PCDH9: variants seen among roughly 807,000 people sequenced by gnomAD.
PCDH9 encodes the protein protocadherin-9.
Under a neutral mutation model 70.6 loss-of-function variants are expected in PCDH9, and 24 were observed. That is an observed-to-expected ratio of 0.34 (90% CI 0.25 to 0.48). The LOEUF is 0.48. Ranked by LOEUF, PCDH9 falls within the 20% of genes least tolerant of loss-of-function variation. The pLI, the probability that PCDH9 is intolerant of heterozygous loss-of-function variation, is 0.99. For missense variants in PCDH9, 1,281 were observed against 1,503.6 expected (o/e 0.85, Z 2.45); for synonymous variants, 562 against 558.5 (o/e 1.01, Z -0.09).
At chr13:66,612,289 GCAA>G (rs2077302402) in intron 4 of PCDH9, among the ~76,000 whole-genome samples, 1 of 152,082 alleles carries the variant, frequency 6.6e-6, no homozygotes, top group Admixed American at 6.5e-5. Flanking sequence ...AACTCTATTT[GCAA>G]CAACTAGTGA....
intron 4 of PCDH9, among the ~76,000 whole-genome samples, chr13:66,423,921 A>G (rs7328850): frequency 6.6e-6 from 1 of 151,916 alleles, no homozygotes; most frequent in African/African-American, 2.4e-5. Context: ...GTATATTTAG[A>G]AAACCCCGTC....
chr13:66,320,406 C>T (rs2138086603), intron 4 of PCDH9, among the ~76,000 whole-genome samples: 1 of 151,992 alleles, frequency 6.6e-6, no homozygotes, highest in African/African-American at 2.4e-5. Flanking sequence ...GTCTGTTTCT[C>T]CCTAATAAAA....
intron 4 of PCDH9, among the ~76,000 whole-genome samples, chr13:66,606,619 TAA>T (rs1692845823): frequency 6.6e-6 from 1 of 152,150 alleles, no homozygotes; most frequent in African/African-American, 2.4e-5. Flanking sequence ...AATGCCTAGT[TAA>T]GTTTGAATTT....
intron 4 of PCDH9, among the ~76,000 whole-genome samples, chr13:66,325,342 T>C (rs181375371): frequency 6.6e-6 from 1 of 152,190 alleles, no homozygotes; most frequent in East Asian, 1.9e-4. Flanking sequence ...ACTGATTGCT[T>C]CCCAGCTCCA....
At position 67,170,813 on chromosome 13, in the gene PCDH9, T is replaced by C. The variant is rs534958787; in HGVS notation, c.3036+54592A>G. On this transcript the variant is annotated intron_variant, in intron 2 of 4. Transcript: ENST00000377865. ...GGTGGTGCACTCCTGTAATCCCATC[T>C]ACTCGGGAGGCTGAGGCACAAGAAT... is the stretch of plus-strand genomic sequence containing the variant. 3.9e-5 allele frequency among the ~76,000 whole-genome samples: 6 copies of C among 152,286 alleles called. No individual in the cohort carries two copies. The East Asian group carries it at 9.7e-4, about 24-fold the overall frequency.
At chr13:66,649,923 A>T (rs1031009773) in intron 3 of PCDH9, among the ~76,000 whole-genome samples, 1 of 151,946 alleles carries the variant, frequency 6.6e-6, no homozygotes, top group Non-Finnish European at 1.5e-5. Context: ...ATAATGCATT[A>T]TAAGATATTA....
At chr13:66,879,802 C>T (rs1397078336) in intron 3 of PCDH9, among the ~76,000 whole-genome samples, 1 of 152,002 alleles carries the variant, frequency 6.6e-6, no homozygotes, top group African/African-American at 2.4e-5. Context: ...AATGAAAAAT[C>T]ATTGCAATTA....
intron 2 of PCDH9, among the ~76,000 whole-genome samples, chr13:66,988,854 A>G (rs2083945159): frequency 6.6e-6 from 1 of 152,006 alleles, no homozygotes; most frequent in South Asian, 2.1e-4. Flanking sequence ...CTCTTTATCC[A>G]GAGCGTTATT....
chr13:67,131,521 T>C lies in PCDH9; in HGVS notation c.3036+93884A>G, dbSNP rs116457505. Among the ~76,000 whole-genome samples, 418 of 152,286 alleles carry C rather than the reference T, an allele frequency of 2.7e-3. 4 individuals carry two copies. The highest frequency in any genetic ancestry group is 9.7e-3 in the African/African-American group (402 of 41,572). On this transcript the variant is annotated intron_variant, in intron 2 of 4. Transcript: ENST00000377865. ...CATGCATTTCTGAACTTTTGACATC[T>C]TGATTTCTAACCTTACAATTTGTTG...
At chr13:66,632,982 G>T (rs574207534) in intron 3 of PCDH9, among the ~76,000 whole-genome samples, 19 of 152,192 alleles carry the variant, frequency 1.2e-4, no homozygotes, top group Non-Finnish European at 1.9e-4. Context: ...AAGGATTGCG[G>T]TTAGAAACAA....
chr13:66,462,674 T>G (rs550186699), intron 4 of PCDH9, among the ~76,000 whole-genome samples: 1 of 151,926 alleles, frequency 6.6e-6, no homozygotes, highest in Non-Finnish European at 1.5e-5. Context: ...GCAGAGTAGC[T>G]TGGGAAACGC....
At chr13:66,529,663 G>C (rs563822821) in intron 4 of PCDH9, among the ~76,000 whole-genome samples, 1 of 151,356 alleles carries the variant, frequency 6.6e-6, no homozygotes, top group African/African-American at 2.4e-5. Context: ...TTTTTTTCCC[G>C]TTTGCAAAAG....
At chr13:66,393,929 A>T (rs577078956) in intron 4 of PCDH9, among the ~76,000 whole-genome samples, 1 of 152,344 alleles carries the variant, frequency 6.6e-6, no homozygotes, top group African/African-American at 2.4e-5. Flanking sequence ...AACGAGTGGA[A>T]TCTGTAGAGT....
chr13:67,191,473 TG>T (rs1234931131), intron 2 of PCDH9, among the ~76,000 whole-genome samples: 1 of 152,168 alleles, frequency 6.6e-6, no homozygotes, highest in Non-Finnish European at 1.5e-5. Context: ...TGCTTCCTAA[TG>T]GGTATAATTA....
chr13:66,888,116 G>C (rs572080616), intron 3 of PCDH9, among the ~76,000 whole-genome samples: 1 of 152,268 alleles, frequency 6.6e-6, no homozygotes, highest in East Asian at 1.9e-4. Context: ...ATCTCAGTGA[G>C]AGTGAAATGG....
chr13:66,906,230 G>A (rs1379559019), intron 2 of PCDH9, among the ~76,000 whole-genome samples: 1 of 152,174 alleles, frequency 6.6e-6, no homozygotes, highest in Non-Finnish European at 1.5e-5. Flanking sequence ...GTGGACTGAT[G>A]AGGGAATCAT....
intron 2 of PCDH9, among the ~76,000 whole-genome samples, chr13:67,045,525 C>T (rs914688260): frequency 1.3e-4 from 20 of 151,436 alleles, no homozygotes; most frequent in African/African-American, 4.6e-4. Context: ...CTTGATAATG[C>T]AGTGGTATTA....
intron 2 of PCDH9, among the ~76,000 whole-genome samples, chr13:67,186,098 T>TTA (rs979448223): frequency 6.6e-6 from 1 of 152,160 alleles, no homozygotes; most frequent in African/African-American, 2.4e-5. Context: ...TGTAAAATAT[T>TTA]TATATATATA....
intron 2 of PCDH9, among the ~76,000 whole-genome samples, chr13:67,133,419 C>A (rs1014704627): frequency 6.6e-6 from 1 of 152,038 alleles, no homozygotes; most frequent in Admixed American, 6.6e-5. Context: ...GATGCATTTG[C>A]ATAGAGGCTG....
Sources: gnomAD v4.1 joint callset for allele counts (sites outside exome capture counted in the v4.1 genomes callset) on GRCh38, gnomAD v4.1.1 for gene constraint, MANE v1.5 for transcripts, NCBI Gene and HGNC (gene_info 2026-07-23, HGNC 2026-07-21) for gene names.